Variants in KLHL5 observed in about 807,000 individuals in gnomAD.
The protein encoded by KLHL5 is kelch-like protein 5.
A neutral mutation model predicts 77.7 loss-of-function variants in KLHL5; 48 were observed. That is an observed-to-expected ratio of 0.62 (90% confidence interval 0.49 to 0.79). KLHL5 has a LOEUF of 0.79. KLHL5 is among the 30% of genes least tolerant of loss of function. KLHL5 has a pLI of 0.00. For missense variants in KLHL5, 723 were observed against 859.7 expected (o/e 0.84, Z 1.99); for synonymous variants, 260 against 297.0 (o/e 0.88, Z 1.28).
chr4:39,071,098 G>T (rs1219048601), intron 1 of KLHL5, among the ~76,000 whole-genome samples: 3 of 151,906 alleles, frequency 2.0e-5, no homozygotes, highest in African/African-American at 7.3e-5. Context: ...TTGTACAATG[G>T]TGTCTATATC....
Position 39,115,400 on chromosome 4 carries a change from TC to T in KLHL5, c.2073+74del, listed in dbSNP as rs755648907. On this transcript the variant is annotated intron_variant, in intron 10 of 10. Coordinates refer to ENST00000504108, the MANE Select transcript of KLHL5 (RefSeq NM_015990.5). ...AAAACAATTCTTATGGTAAAACAGA[TC>T]CCCTCAATCTTGTCCAATACTGAAA... 1.0e-5 allele frequency: 16 copies of T among 1,587,848 alleles called. No individual in the cohort carries two copies. In the East Asian group the frequency reaches 2.5e-4, roughly 25 times the overall value.
At chr4:39,065,346 C>T (rs1717792621) in intron 1 of KLHL5, among the ~76,000 whole-genome samples, 2 of 137,060 alleles carry the variant, frequency 1.5e-5, no homozygotes, top group South Asian at 2.4e-4. Context: ...GTCACACTGA[C>T]ATTCATCAAT....
chr4:39,094,453 TAA>T (rs918441840), intron 5 of KLHL5, among the ~76,000 whole-genome samples: 23 of 151,388 alleles, frequency 1.5e-4, no homozygotes, highest in Non-Finnish European at 3.2e-4. Flanking sequence ...TAAATAAATT[TAA>T]GTTCTTATTA....
intron 2 of KLHL5, among the ~76,000 whole-genome samples, chr4:39,077,672 A>G (rs533218492): frequency 6.8e-6 from 1 of 147,986 alleles, no homozygotes; most frequent in African/African-American, 2.5e-5. Context: ...AACAGTGTGG[A>G]TATTCCTTAA....
chr4:39,075,750 AAC>A (rs1718964138), intron 1 of KLHL5, among the ~76,000 whole-genome samples: 1 of 152,238 alleles, frequency 6.6e-6, no homozygotes, highest in Admixed American at 6.5e-5. Flanking sequence ...GCAATTAATT[AAC>A]AGTTTATATT....
chr4:39,095,298 A>T (rs967320470), intron 5 of KLHL5, among the ~76,000 whole-genome samples: 8 of 152,150 alleles, frequency 5.3e-5, no homozygotes, highest in Non-Finnish European at 7.4e-5. Flanking sequence ...CCTGGCAGGA[A>T]TGTTGTGCTC....
At chr4:39,086,988 G>A (rs1720110566) in intron 5 of KLHL5, among the ~76,000 whole-genome samples, 1 of 132,256 alleles carries the variant, frequency 7.6e-6, no homozygotes, top group Admixed American at 9.7e-5. Context: ...TCAGGTCACT[G>A]CAACCTCCGC....
intron 10 of KLHL5, chr4:39,115,816 G>A: frequency 9.8e-7 from 1 of 1,020,554 alleles, no homozygotes. Context: ...TGATCTGGCA[G>A]TCTTACTAAC....
At chr4:39,049,668 C>T (rs142066205) in intron 1 of KLHL5, among the ~76,000 whole-genome samples, 143 of 151,468 alleles carry the variant, frequency 9.4e-4, no homozygotes, top group African/African-American at 3.4e-3. Context: ...CACTGCCCTC[C>T]AACCTACGGG....
chr4:39,062,261 T>C lies in KLHL5; in HGVS notation c.-392T>C, dbSNP rs1009577367. The stretch of plus-strand genomic sequence containing the variant: ...CAACGGGGATAGTGTTTTCTGTCTC[T>C]GTCATTTGTGGTTTAAGAAAAAGGG... On this transcript the variant is annotated 5_prime_UTR_variant, in exon 1 of 11. Coordinates refer to ENST00000504108, the MANE Select transcript of KLHL5 (RefSeq NM_015990.5). The C allele has an allele frequency of 1.5e-6, 2 of 1,297,408 alleles. No individual in the cohort carries two copies. Among genetic ancestry groups the C allele is most frequent in the East Asian group, 6.7e-5 (2 of 29,630 alleles). The allele number at this position is 1,297,408 out of a possible 1,614,324, so 80.4% of individuals were successfully genotyped here. A position where few individuals can be genotyped will look rare whatever the true frequency, so the allele number is the denominator to read the frequency against.
chr4:39,081,166 A>G lies in KLHL5; in HGVS notation c.630A>G (p.Ala210=). 1.2e-6 allele frequency: 2 copies of G among 1,613,130 alleles called. No individual in the cohort carries two copies. Among genetic ancestry groups the G allele is most frequent in the Non-Finnish European group, 1.7e-6 (2 of 1,179,580 alleles). ...TGTTTACTAATGATGTCAGAGAGGC[A>G]AGACAAGAAGAAATAAAAATGGAAG... The part of the protein sequence containing the change: ...AAMFTNDVRE[A]RQEEIKMEGV... The change falls in exon 3 of 11, where the codon GCA becomes GCG. Residue 210 remains alanine (A), a synonymous_variant. Coordinates refer to ENST00000504108, the MANE Select transcript of KLHL5 (RefSeq NM_015990.5). This position sits in a 1 kb window ranked among gnomAD's most constrained non-coding sequence, Gnocchi z 4.3.
intron 1 of KLHL5, among the ~76,000 whole-genome samples, chr4:39,050,599 G>T (rs1327058638): frequency 2.6e-5 from 4 of 152,146 alleles, no homozygotes; most frequent in African/African-American, 9.7e-5. Flanking sequence ...AACAATTTCA[G>T]ACAATCTAAA....
intron 5 of KLHL5, among the ~76,000 whole-genome samples, chr4:39,088,971 G>A (rs1720290161): frequency 6.6e-6 from 1 of 152,164 alleles, no homozygotes; most frequent in South Asian, 2.1e-4. Flanking sequence ...TTATGCCAAG[G>A]AGTTTGAATT....
At chr4:39,136,809 C>T in the KLHL5 span, among the ~76,000 whole-genome samples, 21 of 152,092 alleles carry the variant, frequency 1.4e-4, no homozygotes, top group African/African-American at 5.1e-4. Context: ...AGCCAGGGCC[C>T]AGGGAGGGAG....
At chr4:39,080,983 A>G in intron 2 of KLHL5, 120 bp from the exon 3 acceptor site, 1 of 931,054 alleles carries the variant, frequency 1.1e-6, no homozygotes, top group Non-Finnish European at 1.5e-6. Flanking sequence ...TGTCAAGCTT[A>G]AAATGCATTT....
At chr4:39,080,735 C>A (rs1341958972) in intron 2 of KLHL5, among the ~76,000 whole-genome samples, 3 of 151,900 alleles carry the variant, frequency 2.0e-5, no homozygotes, top group African/African-American at 7.2e-5. Context: ...CCCATATATT[C>A]ACTACTTCTA....
At chr4:39,057,011 A>G (rs1717052524) in intron 1 of KLHL5, among the ~76,000 whole-genome samples, 1 of 152,002 alleles carries the variant, frequency 6.6e-6, no homozygotes, top group Non-Finnish European at 1.5e-5. Context: ...TTGTAAATCC[A>G]TTTTTCACCA....
At chr4:39,105,611 T>TATGTATATTTTA (rs1485765715) in intron 7 of KLHL5, among the ~76,000 whole-genome samples, 2 of 151,472 alleles carry the variant, frequency 1.3e-5, no homozygotes, top group East Asian at 3.9e-4. Flanking sequence ...ATATATTATA[T>TATGTATATTTTA]ATGTATATTT....
At chr4:39,105,996 CCTCAAAGCCAT>C (rs1343792828) in intron 7 of KLHL5, among the ~76,000 whole-genome samples, 11 of 152,084 alleles carry the variant, frequency 7.2e-5, no homozygotes, top group Admixed American at 2.6e-4. Context: ...AATCCCTCTA[CCTCAAAGCCAT>C]CTCAAAGCCA....
Sources: gnomAD v4.1 joint callset for allele counts (sites outside exome capture counted in the v4.1 genomes callset) on GRCh38, gnomAD v4.1.1 for gene constraint, Gnocchi (gnomAD v3.1) non-coding constraint, MANE v1.5 for transcripts, NCBI Gene and HGNC (gene_info 2026-07-23, HGNC 2026-07-21) for gene names.